TTC39A: variants seen among roughly 807,000 people sequenced by gnomAD.
TTC39A encodes tetratricopeptide repeat protein 39A.
In TTC39A, 46 loss-of-function variants were observed where a neutral mutation model predicts 82.3. The ratio of observed to expected loss-of-function variants is 0.56; its 90% confidence interval spans 0.44 to 0.71. The LOEUF is 0.71. Ranked by LOEUF, TTC39A falls within the 30% of genes least tolerant of loss-of-function variation. The pLI, the probability that TTC39A is intolerant of heterozygous loss-of-function variation, is 0.00. For missense variants in TTC39A, 543 were observed against 712.9 expected (o/e 0.76, Z 2.71); for synonymous variants, 254 against 275.2 (o/e 0.92, Z 0.76).
At chr1:51,300,733 T>G (rs1644619415) in intron 12 of TTC39A, 1 of 152,260 alleles carries the variant, frequency 6.6e-6, no homozygotes. Flanking sequence ...TTGTTTTGCC[T>G]GTATGGCATC....
At chr1:51,293,439 A>G (rs566414843) in intron 14 of TTC39A, among the ~76,000 whole-genome samples, 27 of 152,386 alleles carry the variant, frequency 1.8e-4, no homozygotes, top group African/African-American at 6.3e-4. Context: ...AAATCAAACT[A>G]TATAAATATT....
At chr1:51,322,011 C>T in intron 1 of TTC39A, 186 bp from the exon 2 acceptor site, 4 of 1,464,570 alleles carry the variant, frequency 2.7e-6, no homozygotes, top group Non-Finnish European at 3.7e-6. Flanking sequence ...CTTGGTGTTC[C>T]CAAGGGTGGG....
chr1:51,288,750 C>T lies in TTC39A; in HGVS notation c.1610+89G>A. The T allele has an allele frequency of 7.9e-7, 1 of 1,272,028 alleles. No homozygotes were observed. The highest frequency in any genetic ancestry group is 1.1e-6 in the Non-Finnish European group (1 of 902,346). 78.8% of individuals were successfully genotyped at this position (1,272,028 alleles called of 1,614,324 possible). A position where few individuals can be genotyped will look rare whatever the true frequency, so the allele number is the denominator to read the frequency against. On this transcript the variant is annotated intron_variant, in intron 17 of 17. Coordinates refer to ENST00000680483, the MANE Select transcript of TTC39A (RefSeq NM_001297663.2). This position sits in a 1 kb window ranked among gnomAD's most constrained non-coding sequence, Gnocchi z 4.8. ...GACTGGCCTTGCTAGCAACTCCACT[C>T]ACTGCTCTCTGGGCAACTCTGTCCC...
chr1:51,334,914 C>G (rs555994465), upstream of TTC39A: 2 of 152,416 alleles, frequency 1.3e-5, no homozygotes, highest in South Asian at 4.1e-4. Flanking sequence ...CCGTTCCTGG[C>G]CCCCAGGAGC....
chr1:51,296,061 G>A lies in TTC39A; in HGVS notation c.1145+18C>T. ...GGTGGGAGTGGCCTACACAGTGGGA[G>A]CACGATGTGGGACCCACCGAAATAA... is the stretch of plus-strand genomic sequence containing the variant. On this transcript the variant is annotated intron_variant, in intron 13 of 17. Coordinates refer to ENST00000680483, the MANE Select transcript of TTC39A (RefSeq NM_001297663.2). 6.4e-7 allele frequency: 1 copy of A among 1,562,172 alleles called. No homozygotes were observed. Among genetic ancestry groups the A allele is most frequent in the Non-Finnish European group, 8.7e-7 (1 of 1,152,652 alleles).
chr1:51,337,767 G>C (rs1423578228), intron 1 of TTC39A, among the ~76,000 whole-genome samples: 1 of 152,020 alleles, frequency 6.6e-6, no homozygotes, highest in Non-Finnish European at 1.5e-5. Flanking sequence ...CATCCTCCCA[G>C]TTCTTCTGCC....
intron 2 of TTC39A, among the ~76,000 whole-genome samples, chr1:51,320,129 C>T (rs1408260688): frequency 6.6e-6 from 1 of 152,070 alleles, no homozygotes; most frequent in Admixed American, 6.6e-5. Flanking sequence ...GTCTGTCCTC[C>T]CAAGGATAGG....
At chr1:51,305,043 G>T in intron 8 of TTC39A, 38 bp downstream of exon 8, 1 of 1,609,336 alleles carries the variant, frequency 6.2e-7, no homozygotes, top group Non-Finnish European at 8.5e-7. Flanking sequence ...CAGTTCTGGG[G>T]CTGAGCAGGT....
In TTC39A at chr1:51,321,690, C is replaced by T. The variant is rs186664308; in HGVS notation, c.146+31G>A. 3 of 1,602,736 alleles carry T rather than the reference C, an allele frequency of 1.9e-6. No individual in the cohort carries two copies. In the Admixed American group the frequency reaches 5.1e-5, roughly 27 times the overall value. On this transcript the variant is annotated intron_variant, in intron 2 of 17. Transcript: ENST00000680483. This position sits in a 1 kb window ranked among gnomAD's most constrained non-coding sequence, Gnocchi z 4.6. Reference sequence around the variant, plus strand: ...TGGTTCTCCCTGACCGTCATGCACACCCCCTACCCCAACCGGGGCTTGAGC... The same window carrying T: ...TGGTTCTCCCTGACCGTCATGCACATCCCCTACCCCAACCGGGGCTTGAGC...
At position 51,330,125 on chromosome 1, in the gene TTC39A, C is replaced by T. The variant is rs1478467014; in HGVS notation, c.41+312G>A. ...GGGATGAGAGTAACAGGGCCCACCC[C>T]ACAGGAGTGAACGCCACGAGGCAGG... On this transcript the variant is annotated intron_variant, in intron 1 of 17. Coordinates refer to ENST00000680483, the MANE Select transcript of TTC39A (RefSeq NM_001297663.2). The surrounding 1 kb of genome is among the most constrained non-coding windows in gnomAD (Gnocchi z 4.5). 5.1e-6 allele frequency: 5 copies of T among 985,326 alleles called. No homozygotes were observed. The highest frequency in any genetic ancestry group is 4.8e-6 in the Non-Finnish European group (4 of 829,950). 61.0% of individuals were successfully genotyped at this position (985,326 alleles called of 1,614,324 possible).
chr1:51,294,426 A>G lies in TTC39A; in HGVS notation c.1231T>C (p.Ser411Pro). The change falls in exon 14 of 18, where the codon TCC becomes CCC. Residue 411 changes from serine (S) to proline (P), a missense_variant. Ser to Pro is a moderately conservative substitution (Grantham distance 74). Coordinates refer to ENST00000680483, the MANE Select transcript of TTC39A (RefSeq NM_001297663.2). The surrounding 1 kb of genome is among the most constrained non-coding windows in gnomAD (Gnocchi z 4.3). ...ACTGGCAGCGAGATAGGGTTGGAGGAGAAGTAGCGCCGGGACTTCCGGATG... is the reference window on the plus strand; with the variant it reads ...ACTGGCAGCGAGATAGGGTTGGAGGGGAAGTAGCGCCGGGACTTCCGGATG... ...FAIRKSRRYF[S>P]SNPISLPVPA... 1 of 1,613,980 alleles carries G rather than the reference A, an allele frequency of 6.2e-7. No individual in the cohort carries two copies. The highest frequency in any genetic ancestry group is 8.5e-7 in the Non-Finnish European group (1 of 1,179,898).
chr1:51,293,328 A>G (rs2148119911), intron 14 of TTC39A, among the ~76,000 whole-genome samples: 1 of 152,296 alleles, frequency 6.6e-6, no homozygotes, highest in South Asian at 2.1e-4. Flanking sequence ...TAGCCTCCCA[A>G]AGTGCTGGGA....
At chr1:51,305,034 A>G in intron 8 of TTC39A, 47 bp downstream of exon 8, 3 of 1,603,924 alleles carry the variant, frequency 1.9e-6, no homozygotes, top group Non-Finnish European at 2.6e-6. Flanking sequence ...GCCCAGCCCC[A>G]GTTCTGGGGC....
chr1:51,294,381 T>C lies in TTC39A; in HGVS notation c.1266+10A>G. ...CCGGAGGGCAGCGCCAGTCCAGACC[T>C]CCTACCCACCAGAGCAGGCACTGGC... On this transcript the variant is annotated intron_variant, in intron 14 of 17. Coordinates refer to ENST00000680483, the MANE Select transcript of TTC39A (RefSeq NM_001297663.2). The surrounding 1 kb of genome is among the most constrained non-coding windows in gnomAD (Gnocchi z 4.3). The C allele has an allele frequency of 6.2e-7, 1 of 1,613,770 alleles. No individual in the cohort carries two copies. Among genetic ancestry groups the C allele is most frequent in the Non-Finnish European group, 8.5e-7 (1 of 1,179,834 alleles).
rs1645108300 is a variant in TTC39A, at chr1:51,312,144, G to T, written c.330C>A (p.Arg110=). The T allele has an allele frequency of 6.2e-7, 1 of 1,611,774 alleles. No individual in the cohort carries two copies. The highest frequency in any genetic ancestry group is 2.2e-5 in the East Asian group (1 of 44,842). ...VTDSFSSLVN[R]PTLGQFTEEE... ...CTTCAGTGAATTGGCCCAGCGTGGG[G>T]CGGTTCACCAGGCTGCTGAAGGAAT... is the stretch of plus-strand genomic sequence containing the variant. The change falls in exon 4 of 18, where the codon CGC becomes CGA. Residue 110 remains arginine (R), a synonymous_variant. Coordinates refer to ENST00000680483, the MANE Select transcript of TTC39A (RefSeq NM_001297663.2).
At position 51,288,288 on chromosome 1, in the gene TTC39A, T is replaced by C. The variant is rs1644063730; in HGVS notation, c.1611-8A>G. The C allele has an allele frequency of 6.2e-7, 1 of 1,613,992 alleles. No homozygotes were observed. ...TAATTCTTGTAGTTTTGCCTGGAAT[T>C]GAGCAGCGAATCAGACACATGAGGC... On this transcript the variant is annotated splice_region_variant and splice_polypyrimidine_tract_variant and intron_variant, in intron 17 of 17. Coordinates refer to ENST00000680483, the MANE Select transcript of TTC39A (RefSeq NM_001297663.2). The surrounding 1 kb of genome is among the most constrained non-coding windows in gnomAD (Gnocchi z 4.8).
At chr1:51,336,283 C>T (rs1398584342), upstream of TTC39A, among the ~76,000 whole-genome samples, 10 of 152,152 alleles carry the variant, frequency 6.6e-5, no homozygotes, top group South Asian at 1.9e-3. Flanking sequence ...GGATCTATTC[C>T]TGCTCCTTGG....
At chr1:51,310,516 A>G (rs1204559627) in intron 5 of TTC39A, among the ~76,000 whole-genome samples, 1 of 152,248 alleles carries the variant, frequency 6.6e-6, no homozygotes, top group Non-Finnish European at 1.5e-5. Flanking sequence ...TCAAAAAGAT[A>G]GAAAAAAAGC....
At position 51,330,398 on chromosome 1, in the gene TTC39A, C is replaced by T. The variant is rs1030008701; in HGVS notation, c.41+39G>A. 1 of 976,282 alleles carries T rather than the reference C, an allele frequency of 1.0e-6. No homozygotes were observed. Among genetic ancestry groups the T allele is most frequent in the Non-Finnish European group, 1.2e-6 (1 of 824,366 alleles). The allele number at this position is 976,282 out of a possible 1,614,324, so 60.5% of individuals were successfully genotyped here. A position where few individuals can be genotyped will look rare whatever the true frequency, so the allele number is the denominator to read the frequency against. On this transcript the variant is annotated intron_variant, in intron 1 of 17. Transcript: ENST00000680483. This position sits in a 1 kb window ranked among gnomAD's most constrained non-coding sequence, Gnocchi z 4.5. Reference sequence around the variant, plus strand: ...CGCCACCTGCCCGGGCCCCAGCCCGCGCCGCCCGCGCCCCCGGGCCTCCCA... The same window carrying T: ...CGCCACCTGCCCGGGCCCCAGCCCGTGCCGCCCGCGCCCCCGGGCCTCCCA...
Sources: gnomAD v4.1 joint callset for allele counts (sites outside exome capture counted in the v4.1 genomes callset) on GRCh38, gnomAD v4.1.1 for gene constraint, Gnocchi (gnomAD v3.1) non-coding constraint, MANE v1.5 for transcripts, NCBI Gene and HGNC (gene_info 2026-07-23, HGNC 2026-07-21) for gene names.